Variants in PRPF4 observed in about 807,000 individuals in gnomAD.
PRPF4 encodes the protein pre-mRNA splicing tri-snRNP complex factor PRPF4.
PRPF4 carries 14 observed loss-of-function variants against 72.2 expected under a neutral mutation model. The observed-to-expected ratio is 0.19, with a 90% CI of 0.13 to 0.30. The LOEUF is 0.30. PRPF4 is among the 10% of genes least tolerant of loss of function. The pLI is 1.00. For synonymous variants in PRPF4, 225 were observed against 232.2 expected, an observed-to-expected ratio of 0.97 and a Z score of 0.28; for missense variants, 478 against 653.9, an observed-to-expected ratio of 0.73 and a Z score of 2.93.
Position 113,290,753 on chromosome 9 carries a change from T to C in PRPF4, c.1199T>C (p.Met400Thr), listed in dbSNP as rs774901368. 1.2e-6 allele frequency: 2 copies of C among 1,614,216 alleles called. No homozygotes were observed. Among genetic ancestry groups the C allele is most frequent in the Non-Finnish European group, 1.7e-6 (2 of 1,180,038 alleles). The change falls in exon 12 of 14, where the codon ATG (methionine) becomes ACG (threonine). Residue 400 changes from methionine (M) to threonine (T), a missense_variant. By Grantham distance (81) the Met-to-Thr change is moderately conservative. Coordinates refer to ENST00000374198, the MANE Select transcript of PRPF4 (RefSeq NM_001244926.2). ...GACCTACGCACAGGACGTTGTATCA[T>C]GTTCTTAGAAGGCCACCTGAAAGAA... is the stretch of plus-strand genomic sequence containing the variant. Reference protein sequence around the residue: ...VWDLRTGRCIMFLEGHLKEIY... With the variant: ...VWDLRTGRCITFLEGHLKEIY...
In PRPF4 at chr9:113,291,874, AC is replaced by A; in HGVS notation, c.*216del. 1 of 519,166 alleles carries A rather than the reference AC, an allele frequency of 1.9e-6. No homozygotes were observed. Among genetic ancestry groups the A allele is most frequent in the Non-Finnish European group, 3.4e-6 (1 of 291,772 alleles). 32.2% of individuals were successfully genotyped at this position (519,166 alleles called of 1,614,324 possible). A position where few individuals can be genotyped will look rare whatever the true frequency, so the allele number is the denominator to read the frequency against. On this transcript the variant is annotated 3_prime_UTR_variant, in exon 14 of 14. Coordinates refer to ENST00000374198, the MANE Select transcript of PRPF4 (RefSeq NM_001244926.2). ...CCCCTCTCACGGTTGAAAATTTATT[AC>A]CTTTTTACGCCCTGCCACGAACTGT...
chr9:113,281,153 C>G (rs1279349868), intron 3 of PRPF4, among the ~76,000 whole-genome samples: 1 of 152,210 alleles, frequency 6.6e-6, no homozygotes, highest in Non-Finnish European at 1.5e-5. Context: ...GCTACCGCGC[C>G]CGGCCTTTCT....
rs1004434562 is a variant in PRPF4, at chr9:113,277,065, G to T, written c.205+340G>T. Among the ~76,000 whole-genome samples the T allele has an allele frequency of 3.9e-5, 6 of 152,088 alleles. No homozygotes were observed. In the South Asian group the frequency reaches 1.0e-3, roughly 26 times the overall value. Reference sequence around the variant, plus strand: ...CCTGACCTTGTGATCCGCCCGCCTCGTCCTCCTAAAGTGCTGGGATTACAG... The same window carrying T: ...CCTGACCTTGTGATCCGCCCGCCTCTTCCTCCTAAAGTGCTGGGATTACAG... On this transcript the variant is annotated intron_variant, in intron 2 of 13. Coordinates refer to ENST00000374198, the MANE Select transcript of PRPF4 (RefSeq NM_001244926.2).
At chr9:113,279,772 A>G (rs1482389683) in intron 3 of PRPF4, among the ~76,000 whole-genome samples, 1 of 152,178 alleles carries the variant, frequency 6.6e-6, no homozygotes. Context: ...TTGGATAAAC[A>G]TTTGTTGTTG....
chr9:113,276,431 C>A, intron 1 of PRPF4, 117 bp from the exon 2 acceptor site: 1 of 1,140,790 alleles, frequency 8.8e-7, no homozygotes, highest in Non-Finnish European at 1.3e-6. Flanking sequence ...TCCAATTTGT[C>A]CTTTCAATTA....
At chr9:113,286,138 G>C in intron 7 of PRPF4, 94 bp from the exon 8 acceptor site, 1 of 1,347,604 alleles carries the variant, frequency 7.4e-7, no homozygotes, top group Non-Finnish European at 1.1e-6. Context: ...AGTTTATTGG[G>C]GGTGAGAAGA....
At position 113,290,504 on chromosome 9, in the gene PRPF4, A is replaced by G. The variant is rs755953200; in HGVS notation, c.1061A>G (p.Gln354Arg). 9.9e-6 allele frequency: 16 copies of G among 1,614,054 alleles called. No individual in the cohort carries two copies. The highest frequency in any genetic ancestry group is 1.4e-5 in the Non-Finnish European group (16 of 1,180,028). Reference sequence around the variant, plus strand: ...TGGCGCTTATGGGATTTGGAGGCTCAAGAGGAGATCCTGCATCAGGAAGGC... The same window carrying G: ...TGGCGCTTATGGGATTTGGAGGCTCGAGAGGAGATCCTGCATCAGGAAGGC... Reference protein sequence around the residue: ...RSWRLWDLEAQEEILHQEGHS... With the variant: ...RSWRLWDLEAREEILHQEGHS... Residue 354 changes from glutamine to arginine, a missense_variant, in exon 11 of 14, where the codon CAA becomes CGA. By Grantham distance (43) the Gln-to-Arg change is conservative (BLOSUM62 1). Transcript: ENST00000374198.
chr9:113,280,453 CCT>C (rs1409988476), intron 3 of PRPF4, among the ~76,000 whole-genome samples: 1 of 152,174 alleles, frequency 6.6e-6, no homozygotes, highest in Non-Finnish European at 1.5e-5. Context: ...TATTTCCCCA[CCT>C]CTCTCCTATA....
intron 2 of PRPF4, among the ~76,000 whole-genome samples, chr9:113,278,279 TGAA>T (rs1329399271): frequency 2.0e-5 from 3 of 152,268 alleles, no homozygotes; most frequent in African/African-American, 7.2e-5. Flanking sequence ...GGGCATAAAA[TGAA>T]GACTCCTCTG....
In PRPF4 at chr9:113,276,350, A is replaced by G. The variant is rs183468855; in HGVS notation, c.28-198A>G. Among the ~76,000 whole-genome samples, 38 of 152,320 alleles carry G rather than the reference A, an allele frequency of 2.5e-4. No homozygotes were observed. The East Asian group carries it at 5.6e-3, about 22-fold the overall frequency. ...ACTAGTTTTATTAATCCCATCAACCAAAGTGAGGGACTGAAACACCCTCAC... is the reference window on the plus strand; with the variant it reads ...ACTAGTTTTATTAATCCCATCAACCGAAGTGAGGGACTGAAACACCCTCAC... On this transcript the variant is annotated intron_variant, in intron 1 of 13. Transcript: ENST00000374198.
chr9:113,276,694 G>T lies in PRPF4; in HGVS notation c.174G>T (p.Gly58=). The change falls in exon 2 of 14, where the codon GGG becomes GGT. Residue 58 remains glycine (G), a synonymous_variant. Coordinates refer to ENST00000374198, the MANE Select transcript of PRPF4 (RefSeq NM_001244926.2). ...GILGKDGLKA[G]IEAGNINITS... ...TGGGGAAAGACGGACTTAAAGCAGG[G>T]ATCGAAGCTGGAAATATTAATATAA... is the stretch of plus-strand genomic sequence containing the variant. 1.2e-6 allele frequency: 2 copies of T among 1,613,616 alleles called. No individual in the cohort carries two copies. Among genetic ancestry groups the T allele is most frequent in the Middle Eastern group, 3.3e-4 (2 of 6,058 alleles).
intron 2 of PRPF4, among the ~76,000 whole-genome samples, chr9:113,277,710 G>A (rs1832153082): frequency 6.6e-6 from 1 of 150,664 alleles, no homozygotes; most frequent in African/African-American, 2.4e-5. Flanking sequence ...TATTATAAAA[G>A]TAATAGTGGC....
In PRPF4 at chr9:113,291,746, A is replaced by G. The variant is rs779724801; in HGVS notation, c.*86A>G. On this transcript the variant is annotated 3_prime_UTR_variant, in exon 14 of 14. Transcript: ENST00000374198. ...GAGAAGAATTGAAGTGTTTAGTTCT[A>G]TCATGTTTTCTGCCAATTACCATGC... 7.0e-5 allele frequency: 95 copies of G among 1,347,838 alleles called. No individual in the cohort carries two copies. The highest frequency in any genetic ancestry group is 9.5e-5 in the Non-Finnish European group (94 of 986,908). 83.5% of individuals were successfully genotyped at this position (1,347,838 alleles called of 1,614,324 possible).
At chr9:113,286,545 T>C (rs1350615797) in intron 8 of PRPF4, among the ~76,000 whole-genome samples, 160 bp from the exon 9 acceptor site, 1 of 152,258 alleles carries the variant, frequency 6.6e-6, no homozygotes, top group Non-Finnish European at 1.5e-5. Context: ...TTTTGCTTTT[T>C]TAAAAATGTA....
intron 3 of PRPF4, among the ~76,000 whole-genome samples, chr9:113,279,354 T>G (rs991293169): frequency 4.4e-5 from 4 of 90,770 alleles, no homozygotes; most frequent in African/African-American, 1.2e-4. Flanking sequence ...TGTTTTGTTT[T>G]GTTTTGTTTT....
At chr9:113,281,829 A>G (rs933596763) in intron 3 of PRPF4, among the ~76,000 whole-genome samples, 5 of 152,114 alleles carry the variant, frequency 3.3e-5, no homozygotes, top group Non-Finnish European at 7.3e-5. Context: ...GATGCCCGTT[A>G]CAAAGTCCCC....
intron 2 of PRPF4, among the ~76,000 whole-genome samples, chr9:113,276,986 T>G (rs776214331): frequency 6.6e-6 from 1 of 151,934 alleles, no homozygotes; most frequent in Non-Finnish European, 1.5e-5. Flanking sequence ...GGCTAATTTT[T>G]GTATATTTAG....
Position 113,275,773 on chromosome 9 carries a change from A to G in PRPF4, c.27+3A>G, listed in dbSNP as rs1220354480. On this transcript the variant is annotated splice_donor_region_variant and intron_variant, in intron 1 of 13. Transcript: ENST00000374198. Reference sequence around the variant, plus strand: ...CTTCCTCGCGAGCCTCTTCCACGGTACAGAGCCCGGGATCCCAGCTCACTC... The same window carrying G: ...CTTCCTCGCGAGCCTCTTCCACGGTGCAGAGCCCGGGATCCCAGCTCACTC... 1 of 1,612,282 alleles carries G rather than the reference A, an allele frequency of 6.2e-7. No homozygotes were observed. Among genetic ancestry groups the G allele is most frequent in the Non-Finnish European group, 8.5e-7 (1 of 1,179,174 alleles).
At chr9:113,283,027 G>A (rs973319210) in intron 4 of PRPF4, 105 bp from the exon 5 acceptor site, 7 of 1,560,992 alleles carry the variant, frequency 4.5e-6, no homozygotes, top group South Asian at 1.2e-5. Context: ...TCCTATTACC[G>A]AATGAATTCA....
Sources: gnomAD v4.1 joint callset for allele counts (sites outside exome capture counted in the v4.1 genomes callset) on GRCh38, gnomAD v4.1.1 for gene constraint, MANE v1.5 for transcripts, NCBI Gene and HGNC (gene_info 2026-07-23, HGNC 2026-07-21) for gene names.